The following MECOM variants were observed in gnomAD, a reference collection of about 807,000 sequenced individuals.
MECOM encodes the protein MDS1 and EVI1 complex locus.
Under a neutral mutation model 116.3 loss-of-function variants are expected in MECOM, and 13 were observed. The observed-to-expected ratio is 0.11, with a 90% confidence interval of 0.07 to 0.18. MECOM has a LOEUF of 0.18. Ranked by LOEUF, MECOM falls within the 10% of genes least tolerant of loss-of-function variation. The pLI is 1.00. For missense variants in MECOM, 1,299 were observed against 1,509.0 expected (o/e 0.86, Z 2.31); for synonymous variants, 528 against 535.2 (o/e 0.99, Z 0.19).
chr3:169,443,075 A>G (rs1346474512), intron 1 of MECOM, among the ~76,000 whole-genome samples: 2 of 152,202 alleles, frequency 1.3e-5, no homozygotes, highest in African/African-American at 4.8e-5. Flanking sequence ...GAGTTTATAA[A>G]GATTATGTTT....
chr3:169,493,670 C>T (rs572332924), intron 1 of MECOM, among the ~76,000 whole-genome samples: 1 of 152,000 alleles, frequency 6.6e-6, no homozygotes, highest in African/African-American at 2.4e-5. Flanking sequence ...TCTGTAGCAA[C>T]GTCTGACTCT....
chr3:169,259,768 T>G (rs1757317966), intron 2 of MECOM, among the ~76,000 whole-genome samples: 2 of 152,166 alleles, frequency 1.3e-5, no homozygotes, highest in South Asian at 4.2e-4. Flanking sequence ...AGGGCTTACT[T>G]GAGTCCAGAG....
chr3:169,352,543 A>G lies in MECOM; in HGVS notation c.375+28644T>C, dbSNP rs545438316. ...TTTTCTGAAACTTGTTGGGGGGAAA[A>G]GTATGGCCTTAAGAGTTAGTGGTAG... On this transcript the variant is annotated intron_variant, in intron 2 of 16. Coordinates refer to ENST00000651503, the MANE Select transcript of MECOM (RefSeq NM_004991.4). 2.6e-5 allele frequency among the ~76,000 whole-genome samples: 4 copies of G among 152,006 alleles called. No homozygotes were observed. The East Asian group carries it at 5.8e-4, about 22-fold the overall frequency.
At chr3:169,374,195 A>G (rs917575950) in intron 2 of MECOM, among the ~76,000 whole-genome samples, 2 of 151,724 alleles carry the variant, frequency 1.3e-5, no homozygotes, top group African/African-American at 4.8e-5. Flanking sequence ...TGCACACCAA[A>G]GAAAGGCTAT....
At chr3:169,124,309 T>C (rs978461596) in intron 5 of MECOM, among the ~76,000 whole-genome samples, 2 of 152,050 alleles carry the variant, frequency 1.3e-5, no homozygotes, top group East Asian at 1.9e-4. Context: ...GTTTCTTCTA[T>C]AATTTTCTAT....
chr3:169,215,559 G>A (rs1349241004), intron 2 of MECOM, among the ~76,000 whole-genome samples: 1 of 152,094 alleles, frequency 6.6e-6, no homozygotes, highest in Non-Finnish European at 1.5e-5. Context: ...GAGTTGTTTA[G>A]TGAAGTTATG....
Position 169,609,929 on chromosome 3 carries a change from AATTT to A in MECOM, c.37+53403_37+53406del, listed in dbSNP as rs548327758. On this transcript the variant is annotated intron_variant, in intron 1 of 16. Coordinates refer to ENST00000651503, the MANE Select transcript of MECOM (RefSeq NM_004991.4). ...GGACAACATATTCCAAATTCAATGGAATTTATTTATTCATTCTCTACTATGTTTT... is the reference window on the plus strand; with the variant it reads ...GGACAACATATTCCAAATTCAATGGAATTTATTCATTCTCTACTATGTTTT... Among the ~76,000 whole-genome samples, 482 of 152,256 alleles carry A rather than the reference AATTT, an allele frequency of 3.2e-3. 3 individuals carry two copies. The highest frequency in any genetic ancestry group is 0.011 in the African/African-American group (456 of 41,536).
chr3:169,268,316 T>C (rs927417170), intron 2 of MECOM, among the ~76,000 whole-genome samples: 7 of 152,196 alleles, frequency 4.6e-5, no homozygotes, highest in Non-Finnish European at 1.0e-4. Flanking sequence ...CCACTTTATA[T>C]ACATTCACTT....
intron 1 of MECOM, among the ~76,000 whole-genome samples, chr3:169,539,272 T>A (rs571148950): frequency 1.3e-5 from 2 of 152,306 alleles, no homozygotes; most frequent in South Asian, 4.2e-4. Context: ...TATGATTCAT[T>A]TGCCTGTGTA....
chr3:169,332,393 C>T (rs180928758), intron 2 of MECOM, among the ~76,000 whole-genome samples: 1 of 152,078 alleles, frequency 6.6e-6, no homozygotes, highest in Admixed American at 6.6e-5. Flanking sequence ...AATATTAATT[C>T]CCTGAAGCTT....
At position 169,480,143 on chromosome 3, in the gene MECOM, T is replaced by C. The variant is rs187620390; in HGVS notation, c.38-98619A>G. 4.5e-3 allele frequency among the ~76,000 whole-genome samples: 683 copies of C among 152,344 alleles called. 7 individuals carry two copies. Among genetic ancestry groups the C allele is most frequent in the Middle Eastern group, 0.017 (5 of 294 alleles). ...CTGTAGGTTGCCAAAGACTAACATA[T>C]TGACATGTGAAGAATTCAAATATAA... On this transcript the variant is annotated intron_variant, in intron 1 of 16. Coordinates refer to ENST00000651503, the MANE Select transcript of MECOM (RefSeq NM_004991.4).
At chr3:169,430,197 A>G (rs1385459595) in intron 1 of MECOM, among the ~76,000 whole-genome samples, 5 of 152,160 alleles carry the variant, frequency 3.3e-5, no homozygotes, top group African/African-American at 1.2e-4. Context: ...AAAATGTTAT[A>G]TAGCTATAAA....
At chr3:169,120,925 C>A in intron 7 of MECOM, 131 bp downstream of exon 7, 1 of 790,388 alleles carries the variant, frequency 1.3e-6, no homozygotes, top group Admixed American at 3.4e-5. Context: ...CATAAATAGC[C>A]CTACTGGATT....
intron 1 of MECOM, among the ~76,000 whole-genome samples, chr3:169,528,796 G>C (rs1013072380): frequency 6.6e-6 from 1 of 152,110 alleles, no homozygotes; most frequent in African/African-American, 2.4e-5. Context: ...GCCTTAAATA[G>C]AAACAACCAC....
chr3:169,211,741 T>G (rs191414836), intron 2 of MECOM, among the ~76,000 whole-genome samples: 2 of 152,280 alleles, frequency 1.3e-5, no homozygotes, highest in Non-Finnish European at 2.9e-5. Flanking sequence ...TCTAGAACTT[T>G]AAAGATCATT....
chr3:169,168,123 A>G (rs1157503867), intron 2 of MECOM, among the ~76,000 whole-genome samples: 1 of 152,160 alleles, frequency 6.6e-6, no homozygotes, highest in African/African-American at 2.4e-5. Context: ...GACTTTTCAT[A>G]ATCAGTTTTA....
intron 1 of MECOM, among the ~76,000 whole-genome samples, chr3:169,535,894 G>T (rs1759294038): frequency 6.6e-6 from 1 of 152,290 alleles, no homozygotes; most frequent in Admixed American, 6.5e-5. Context: ...GTCTAATAGG[G>T]TTGTTGTGAG....
intron 2 of MECOM, among the ~76,000 whole-genome samples, chr3:169,275,664 G>A (rs1408922000): frequency 6.6e-6 from 1 of 152,016 alleles, no homozygotes; most frequent in Non-Finnish European, 1.5e-5. Context: ...ATGCTCACAG[G>A]TTCAGGGTGT....
intron 1 of MECOM, among the ~76,000 whole-genome samples, chr3:169,482,731 A>G (rs889316759): frequency 2.0e-5 from 3 of 152,202 alleles, no homozygotes; most frequent in African/African-American, 7.2e-5. Flanking sequence ...TGGACTGAAG[A>G]AAGGAACTCA....
Sources: gnomAD v4.1 joint callset for allele counts (sites outside exome capture counted in the v4.1 genomes callset) on GRCh38, gnomAD v4.1.1 for gene constraint, MANE v1.5 for transcripts, NCBI Gene and HGNC (gene_info 2026-07-23, HGNC 2026-07-21) for gene names.